Variants in SFI1 observed in about 807,000 individuals in gnomAD.
SFI1 encodes SFI1 centrin binding protein, also known as protein SFI1 homolog.
In SFI1, 195 loss-of-function variants were observed where a neutral mutation model predicts 207.5. The ratio of observed to expected loss-of-function variants is 0.94; its 90% CI spans 0.84 to 1.06. The LOEUF (loss-of-function observed/expected upper bound fraction) is 1.06. SFI1 is among the 50% of genes least tolerant of loss of function. The pLI, the probability that SFI1 is intolerant of heterozygous loss-of-function variation, is 0.00. For missense variants in SFI1, 1,634 were observed against 1,588.0 expected (o/e 1.03, Z -0.49); for synonymous variants, 630 against 598.9 (o/e 1.05, Z -0.76).
At chr22:31,566,311 T>C (rs546359127) in intron 8 of SFI1, among the ~76,000 whole-genome samples, 117 of 152,182 alleles carry the variant, frequency 7.7e-4, no homozygotes, top group Non-Finnish European at 1.1e-3. Context: ...CCAGGCTGTC[T>C]TGAACTCCTT....
chr22:31,510,359 C>G (rs2055317884), intron 2 of SFI1, among the ~76,000 whole-genome samples: 1 of 151,472 alleles, frequency 6.6e-6, no homozygotes, highest in African/African-American at 2.4e-5. Flanking sequence ...CAAGCCTGGC[C>G]TCTTTGTAGG....
In SFI1 at chr22:31,606,397, A is replaced by AAGT; in HGVS notation, c.2126_2128dup (p.Ser709dup). On this transcript the variant is annotated inframe_insertion, in exon 21 of 33. Coordinates refer to ENST00000400288, the MANE Select transcript of SFI1 (RefSeq NM_001007467.3). ...ATGAAGCCAAAAAAACCTTTCAAGC[A>AAGT]AGTACTCATTACAGAAGGACCATAT... 1.2e-6 allele frequency: 2 copies of AAGT among 1,613,916 alleles called. No individual in the cohort carries two copies. Among genetic ancestry groups the AAGT allele is most frequent in the Non-Finnish European group, 1.7e-6 (2 of 1,180,030 alleles).
Position 31,578,719 on chromosome 22 carries a change from G to C in SFI1, c.1155+267G>C, listed in dbSNP as rs149590566. Among the ~76,000 whole-genome samples, 489 of 152,264 alleles carry C rather than the reference G, an allele frequency of 3.2e-3. 2 individuals carry two copies. Among genetic ancestry groups the C allele is most frequent in the African/African-American group, 0.011 (475 of 41,558 alleles). On this transcript the variant is annotated intron_variant, in intron 11 of 32. Transcript: ENST00000400288. Reference sequence around the variant, plus strand: ...TTTTTTACATGGTAAAACCCCTTTTGAGTGGCGGAAGCCTCACCTATAAAA... The same window carrying C: ...TTTTTTACATGGTAAAACCCCTTTTCAGTGGCGGAAGCCTCACCTATAAAA...
chr22:31,602,630 G>A lies in SFI1; in HGVS notation c.1650G>A (p.Gln550=), dbSNP rs541889095. Residue 550 remains glutamine, a synonymous_variant, in exon 17 of 33, where the codon CAG becomes CAA. Coordinates refer to ENST00000400288, the MANE Select transcript of SFI1 (RefSeq NM_001007467.3). ...ERMAILHAER[Q]LLYRSWFMWH... is the part of the protein sequence containing the mutation. ...AGGCCATCCTTCACGCAGAGCGACA[G>A]CTTCTGTATAGGTCTTGGTTCATGT... The A allele has an allele frequency of 6.2e-7, 1 of 1,614,192 alleles. No homozygotes were observed. Among genetic ancestry groups the A allele is most frequent in the African/African-American group, 1.3e-5 (1 of 75,042 alleles).
At chr22:31,519,476 G>A (rs764662505) in intron 2 of SFI1, among the ~76,000 whole-genome samples, 21 of 148,950 alleles carry the variant, frequency 1.4e-4, no homozygotes, top group Non-Finnish European at 3.1e-4. Context: ...TTGCTCTCCC[G>A]CCCAGGCTGG....
chr22:31,618,431 A>G lies in SFI1; in HGVS notation c.*13A>G. The G allele has an allele frequency of 6.5e-7, 1 of 1,549,316 alleles. No homozygotes were observed. The highest frequency in any genetic ancestry group is 8.7e-7 in the Non-Finnish European group (1 of 1,143,932). On this transcript the variant is annotated 3_prime_UTR_variant, in exon 33 of 33. Coordinates refer to ENST00000400288, the MANE Select transcript of SFI1 (RefSeq NM_001007467.3). The stretch of plus-strand genomic sequence containing the variant: ...GGCCCTGTGCTAGCGTGTTCGCACC[A>G]GGAACGCAGGTGCTGGGCTGTCGGG...
intron 8 of SFI1, among the ~76,000 whole-genome samples, chr22:31,566,645 G>A (rs544375358): frequency 6.6e-6 from 1 of 152,274 alleles, no homozygotes; most frequent in South Asian, 2.1e-4. Context: ...GATTGTAATA[G>A]TACCTACCTC....
In SFI1 at chr22:31,496,626, C is replaced by G. The variant is rs904634593; in HGVS notation, c.-42C>G. ...TCTCCCAACGTCAGGCCCGATGGCT[C>G]GGCTTCCCCAGGTACGAGGCCCGGC... On this transcript the variant is annotated 5_prime_UTR_variant, in exon 1 of 33. Coordinates refer to ENST00000400288, the MANE Select transcript of SFI1 (RefSeq NM_001007467.3). 1 of 152,290 alleles carries G rather than the reference C, an allele frequency of 6.6e-6. No homozygotes were observed. The highest frequency in any genetic ancestry group is 2.4e-5 in the African/African-American group (1 of 41,466). The allele number at this position is 152,290 out of a possible 1,614,324, so 9.4% of individuals were successfully genotyped here.
chr22:31,591,416 C>A (rs573540931), intron 15 of SFI1, among the ~76,000 whole-genome samples: 25 of 152,370 alleles, frequency 1.6e-4, no homozygotes, highest in African/African-American at 5.3e-4. Flanking sequence ...TTTTCCCCAC[C>A]TTTCCCGCCC....
chr22:31,586,821 C>T (rs1288447518), intron 14 of SFI1, among the ~76,000 whole-genome samples: 6 of 152,134 alleles, frequency 3.9e-5, no homozygotes, highest in Non-Finnish European at 7.4e-5. Flanking sequence ...CCAGGGTCAG[C>T]GTTTTCATCT....
chr22:31,592,984 G>A (rs1185665175), intron 15 of SFI1, among the ~76,000 whole-genome samples: 1 of 126,094 alleles, frequency 7.9e-6, no homozygotes, highest in Non-Finnish European at 1.7e-5. Flanking sequence ...CGGGCGGGGG[G>A]CTGACCCCCC....
At chr22:31,579,551 G>A (rs1247099534) in intron 11 of SFI1, among the ~76,000 whole-genome samples, 9 of 152,060 alleles carry the variant, frequency 5.9e-5, no homozygotes, top group Admixed American at 2.6e-4. Flanking sequence ...TCCTGACCTC[G>A]TGATCCGCCC....
chr22:31,605,043 G>T, intron 20 of SFI1, 98 bp downstream of exon 20: 1 of 1,076,314 alleles, frequency 9.3e-7, no homozygotes, highest in Non-Finnish European at 1.3e-6. Context: ...CCAGGTCGGG[G>T]ATGATCCCGG....
chr22:31,528,380 T>A (rs930678482), intron 2 of SFI1, among the ~76,000 whole-genome samples: 3 of 150,462 alleles, frequency 2.0e-5, no homozygotes, highest in African/African-American at 7.3e-5. Context: ...GCTGTGGTCA[T>A]GCCACAGCAA....
chr22:31,599,800 C>G (rs2067810986), intron 15 of SFI1, among the ~76,000 whole-genome samples: 1 of 151,712 alleles, frequency 6.6e-6, no homozygotes, highest in Non-Finnish European at 1.5e-5. Flanking sequence ...ATTAATATAC[C>G]ATTTCATGTT....
chr22:31,582,760 C>T (rs987541958), intron 12 of SFI1, among the ~76,000 whole-genome samples: 1 of 152,122 alleles, frequency 6.6e-6, no homozygotes, highest in Non-Finnish European at 1.5e-5. Flanking sequence ...TACTTTCTGT[C>T]TCTATAAATT....
At chr22:31,523,106 A>G (rs954101292) in intron 2 of SFI1, among the ~76,000 whole-genome samples, 1 of 152,322 alleles carries the variant, frequency 6.6e-6, no homozygotes, top group Non-Finnish European at 1.5e-5. Flanking sequence ...TTCTGTGGAC[A>G]TATGCTGTAT....
At chr22:31,615,374 A>G (rs2071243980) in intron 29 of SFI1, 95 bp downstream of exon 29, 11 of 1,213,014 alleles carry the variant, frequency 9.1e-6, no homozygotes, top group Non-Finnish European at 1.2e-5. Flanking sequence ...GTTTCTGGAA[A>G]ACCTTGGCAC....
intron 4 of SFI1, among the ~76,000 whole-genome samples, chr22:31,543,129 C>A (rs765172145): frequency 6.6e-6 from 1 of 151,900 alleles, no homozygotes; most frequent in Non-Finnish European, 1.5e-5. Context: ...CGCCACCACA[C>A]CTGGCTAATT....
Sources: allele counts gnomAD v4.1 joint callset (sites outside exome capture counted in the v4.1 genomes callset), GRCh38; gene constraint gnomAD v4.1.1; transcripts MANE v1.5; gene names NCBI Gene and HGNC (gene_info 2026-07-23, HGNC 2026-07-21).